The following MCM9 variants were observed in gnomAD, a reference collection of about 807,000 sequenced individuals.
The protein encoded by MCM9 is DNA helicase MCM9.
Under a neutral mutation model 72.8 loss-of-function variants are expected in MCM9, and 55 were observed. That is an observed-to-expected ratio of 0.76 (90% CI 0.61 to 0.95). The LOEUF is 0.95. MCM9 is among the 40% of genes least tolerant of loss of function. The pLI is 0.00. For synonymous variants in MCM9, 480 were observed against 503.4 expected (o/e 0.95, Z 0.62); for missense variants, 1,279 against 1,377.0 (o/e 0.93, Z 1.13).
intron 8 of MCM9, among the ~76,000 whole-genome samples, chr6:118,885,025 T>G (rs982702529): frequency 6.6e-6 from 1 of 151,968 alleles, no homozygotes; most frequent in African/African-American, 2.4e-5. Flanking sequence ...TGAAACCCCA[T>G]CTCTACTAAA....
At chr6:118,853,512 T>G (rs1776359805) in intron 9 of MCM9, among the ~76,000 whole-genome samples, 1 of 152,106 alleles carries the variant, frequency 6.6e-6, no homozygotes, top group Non-Finnish European at 1.5e-5. Context: ...TTGATTAGAA[T>G]TGCACTGGGC....
intron 13 of MCM9, among the ~76,000 whole-genome samples, chr6:118,821,832 T>C (rs572482696): frequency 6.6e-6 from 1 of 152,312 alleles, no homozygotes; most frequent in African/African-American, 2.4e-5. Context: ...TCATTCTTTT[T>C]TCTTTTCCTA....
At chr6:118,818,609 C>T (rs541001732) in intron 13 of MCM9, among the ~76,000 whole-genome samples, 24 of 152,080 alleles carry the variant, frequency 1.6e-4, no homozygotes, top group African/African-American at 4.6e-4. Flanking sequence ...ATGGCTATAC[C>T]GGCTCTATTT....
chr6:118,905,512 C>A (rs186869737), intron 8 of MCM9: 1 of 605,262 alleles, frequency 1.7e-6, no homozygotes, highest in Non-Finnish European at 2.8e-6. Context: ...CAGAAATGAG[C>A]ATTTTCCTTC....
intron 4 of MCM9, among the ~76,000 whole-genome samples, chr6:118,922,843 A>G (rs1781541063): frequency 6.6e-6 from 1 of 151,930 alleles, no homozygotes; most frequent in South Asian, 2.1e-4. Flanking sequence ...GACCAGTCTG[A>G]CCAACATCGT....
chr6:118,894,196 G>A (rs1475251354), intron 8 of MCM9: 1 of 1,369,566 alleles, frequency 7.3e-7, no homozygotes, highest in Non-Finnish European at 9.4e-7. Context: ...CTACTTATCA[G>A]AGCAGAATGG....
At chr6:118,883,360 A>G (rs1778414012) in intron 8 of MCM9, among the ~76,000 whole-genome samples, 1 of 152,044 alleles carries the variant, frequency 6.6e-6, no homozygotes, top group Admixed American at 6.5e-5. Context: ...TTTAATCAGA[A>G]TAATATATAT....
chr6:118,867,090 CTTTTAAAAAAAGGG>C (rs1420111005), intron 8 of MCM9, among the ~76,000 whole-genome samples: 1 of 151,562 alleles, frequency 6.6e-6, no homozygotes, highest in African/African-American at 2.4e-5. Context: ...GCAATTCAGT[CTTTTAAAAAAAGGG>C]GGTGATAAAG....
chr6:118,859,030 A>C (rs1776745597), intron 8 of MCM9, among the ~76,000 whole-genome samples: 2 of 152,238 alleles, frequency 1.3e-5, no homozygotes, highest in Admixed American at 1.3e-4. Flanking sequence ...AGCTACAGTA[A>C]TCAAATCAGT....
Position 118,815,078 on chromosome 6 carries a change from T to G in MCM9, c.3178A>C (p.Asn1060His). 1 of 1,550,826 alleles carries G rather than the reference T, an allele frequency of 6.4e-7. No homozygotes were observed. The highest frequency in any genetic ancestry group is 8.7e-7 in the Non-Finnish European group (1 of 1,147,002). The change falls in exon 14 of 14, where the codon AAC becomes CAC. Residue 1060 changes from asparagine (N) to histidine (H), a missense_variant. Physicochemically the swap from Asn to His is moderately conservative, Grantham distance 68. Coordinates refer to ENST00000619706, the MANE Select transcript of MCM9 (RefSeq NM_017696.3). ...VHACTLARLA[N>H]FCFTPPSESK... ...TCCGATGGGGGAGTAAAGCAGAAGT[T>G]TGCCAATCTGGCTAATGTGCAGGCA...
intron 8 of MCM9, chr6:118,908,751 AT>A (rs1390563987): frequency 6.6e-6 from 1 of 152,520 alleles, no homozygotes; most frequent in Non-Finnish European, 1.5e-5. Context: ...TCCTCAAAAA[AT>A]TTTCTTATGC....
intron 8 of MCM9, among the ~76,000 whole-genome samples, chr6:118,892,445 T>G (rs1380576739): frequency 6.6e-6 from 1 of 152,202 alleles, no homozygotes; most frequent in Non-Finnish European, 1.5e-5. Context: ...TGCACGTGAT[T>G]TTAACAAGCA....
intron 8 of MCM9, among the ~76,000 whole-genome samples, chr6:118,876,303 T>C (rs945324777): frequency 2.0e-5 from 3 of 152,198 alleles, no homozygotes; most frequent in Admixed American, 6.5e-5. Flanking sequence ...AATACCATAA[T>C]GGTGGATATG....
At chr6:118,850,206 C>A (rs1776132047) in intron 9 of MCM9, among the ~76,000 whole-genome samples, 1 of 151,796 alleles carries the variant, frequency 6.6e-6, no homozygotes, top group African/African-American at 2.4e-5. Context: ...AACATATAAC[C>A]TCAGTGGTAT....
intron 13 of MCM9, among the ~76,000 whole-genome samples, chr6:118,825,609 C>T (rs1483193865): frequency 6.6e-6 from 1 of 152,144 alleles, no homozygotes; most frequent in Non-Finnish European, 1.5e-5. Context: ...TTCCTCACTC[C>T]TATTTCTCAG....
At chr6:118,829,444 A>G (rs1353402604) in intron 9 of MCM9, among the ~76,000 whole-genome samples, 194 bp from the exon 10 acceptor site, 2 of 152,246 alleles carry the variant, frequency 1.3e-5, no homozygotes, top group Non-Finnish European at 1.5e-5. Flanking sequence ...TCTATCTTAA[A>G]GAGAAGTAAC....
chr6:118,830,740 G>T (rs2114562865), intron 9 of MCM9, among the ~76,000 whole-genome samples: 2 of 152,310 alleles, frequency 1.3e-5, no homozygotes, highest in South Asian at 4.2e-4. Flanking sequence ...TAGGTCAAAT[G>T]AATTGTTCAT....
intron 9 of MCM9, among the ~76,000 whole-genome samples, chr6:118,840,784 C>CT (rs1330485457): frequency 8.0e-6 from 1 of 124,370 alleles, no homozygotes. Flanking sequence ...GTCACCCAGG[C>CT]TGGAGTACAG....
chr6:118,923,899 C>T lies in MCM9; in HGVS notation c.533G>A (p.Cys178Tyr). 1 of 1,614,194 alleles carries T rather than the reference C, an allele frequency of 6.2e-7. No homozygotes were observed. The highest frequency in any genetic ancestry group is 8.5e-7 in the Non-Finnish European group (1 of 1,180,022). ...RPSSCPSLES[C>Y]DSSKFTCLSG... ...GAGGCAAGTGAATTTAGAGGAATCA[C>T]AGCTCTCCAAGCTGGGACACGAGGA... is the stretch of plus-strand genomic sequence containing the variant. Residue 178 changes from cysteine (C) to tyrosine (Y), a missense_variant, in exon 4 of 14, where the codon TGT (cysteine) becomes TAT (tyrosine). Physicochemically the swap from Cys to Tyr is radical, Grantham distance 194. Coordinates refer to ENST00000619706, the MANE Select transcript of MCM9 (RefSeq NM_017696.3).
Sources: gnomAD v4.1 joint callset for allele counts (sites outside exome capture counted in the v4.1 genomes callset) on GRCh38, gnomAD v4.1.1 for gene constraint, MANE v1.5 for transcripts, NCBI Gene and HGNC (gene_info 2026-07-23, HGNC 2026-07-21) for gene names.